The following MAD1L1 variants were observed in gnomAD, a reference collection of about 807,000 sequenced individuals.
MAD1L1 encodes mitotic arrest deficient 1 like 1.
A neutral mutation model predicts 96.9 loss-of-function variants in MAD1L1; 95 were observed. That is an observed-to-expected ratio of 0.98 (90% CI 0.83 to 1.16). The LOEUF is 1.16. Among genes scored for constraint, MAD1L1 ranks in the 50% most tolerant of loss-of-function variants. The pLI is 0.00. For missense variants in MAD1L1, 1,007 were observed against 954.4 expected, an observed-to-expected ratio of 1.06 and a Z score of -0.73; for synonymous variants, 473 against 396.6, an observed-to-expected ratio of 1.19 and a Z score of -2.29.
chr7:2,144,954 T>C (rs1789221073), intron 11 of MAD1L1, among the ~76,000 whole-genome samples: 1 of 152,064 alleles, frequency 6.6e-6, no homozygotes, highest in South Asian at 2.1e-4. Context: ...TGACGCCCCA[T>C]CTGTCCACGG....
chr7:1,962,205 A>G (rs544860232), intron 15 of MAD1L1, among the ~76,000 whole-genome samples: 120 of 152,368 alleles, frequency 7.9e-4, no homozygotes, highest in African/African-American at 2.8e-3. Flanking sequence ...GTGGTCGTGA[A>G]TAAGTCTCAC....
chr7:2,120,296 A>G (rs564034805), intron 11 of MAD1L1, among the ~76,000 whole-genome samples: 2 of 152,280 alleles, frequency 1.3e-5, no homozygotes, highest in South Asian at 4.1e-4. Context: ...GGCACCTCCT[A>G]AAGTCTGACC....
rs544111114 is a variant in MAD1L1, at chr7:1,865,750, C to T, written c.1998+32450G>A. On this transcript the variant is annotated intron_variant, in intron 18 of 18. Coordinates refer to ENST00000265854, the MANE Select transcript of MAD1L1 (RefSeq NM_001013836.2). ...TAATCAGGACTGGCTGCCTTGGAGA[C>T]GCAAAGGCACAGACCCAGAGAGCGG... Among the ~76,000 whole-genome samples the T allele has an allele frequency of 4.6e-5, 7 of 152,382 alleles. No homozygotes were observed. The South Asian group carries it at 1.2e-3, about 27-fold the overall frequency.
intron 18 of MAD1L1, among the ~76,000 whole-genome samples, chr7:1,856,022 G>T (rs528830207): frequency 1.3e-5 from 2 of 152,288 alleles, no homozygotes; most frequent in Admixed American, 1.3e-4. Flanking sequence ...CGCTCACGTG[G>T]GGTGCGGTGA....
intron 11 of MAD1L1, among the ~76,000 whole-genome samples, chr7:2,123,668 C>G (rs1788090167): frequency 6.6e-6 from 1 of 152,202 alleles, no homozygotes; most frequent in African/African-American, 2.4e-5. Flanking sequence ...CATGCGATAC[C>G]AGGAAGCGAG....
chr7:1,835,050 A>C (rs1782878079), intron 18 of MAD1L1, among the ~76,000 whole-genome samples: 1 of 152,180 alleles, frequency 6.6e-6, no homozygotes, highest in Non-Finnish European at 1.5e-5. Context: ...AAAGTACAAA[A>C]GGAAAACCAT....
rs78654399 is a variant in MAD1L1, at chr7:2,103,836, G to T, written c.1074-34498C>A. Among the ~76,000 whole-genome samples, 1 of 152,318 alleles carries T rather than the reference G, an allele frequency of 6.6e-6. No individual in the cohort carries two copies. Among genetic ancestry groups the T allele is most frequent in the South Asian group, 2.1e-4 (1 of 4,826 alleles). The stretch of plus-strand genomic sequence containing the variant: ...AGGGACAGTCTCACAGGTGGTGTCC[G>T]GACTCTGGAGATGGGGTGGGAAAAG... On this transcript the variant is annotated intron_variant, in intron 11 of 18. Transcript: ENST00000265854. The surrounding 1 kb of genome is among the most constrained non-coding windows in gnomAD (Gnocchi z 4.3).
At chr7:2,072,349 T>C (rs1157704371) in intron 11 of MAD1L1, among the ~76,000 whole-genome samples, 1 of 152,234 alleles carries the variant, frequency 6.6e-6, no homozygotes, top group African/African-American at 2.4e-5. Flanking sequence ...GAGTCTTTCC[T>C]ATCCCATCAG....
At chr7:1,886,965 G>C (rs373647853) in intron 18 of MAD1L1, among the ~76,000 whole-genome samples, 1 of 152,282 alleles carries the variant, frequency 6.6e-6, no homozygotes. Flanking sequence ...TTCCTGGTGA[G>C]AAGGCTTCAG....
intron 17 of MAD1L1, among the ~76,000 whole-genome samples, chr7:1,910,920 C>T (rs1787974406): frequency 6.6e-6 from 1 of 152,226 alleles, no homozygotes; most frequent in Admixed American, 6.5e-5. Flanking sequence ...CGATGTGGGG[C>T]CACAGTGTCT....
rs535753423 is a variant in MAD1L1, at chr7:1,980,642, C to T, written c.1417-101G>A. 3.7e-5 allele frequency: 34 copies of T among 912,398 alleles called. No homozygotes were observed. In the Admixed American group the frequency reaches 4.8e-4, roughly 13 times the overall value. The allele number at this position is 912,398 out of a possible 1,614,324, so 56.5% of individuals were successfully genotyped here. A position where few individuals can be genotyped will look rare whatever the true frequency, so the allele number is the denominator to read the frequency against. ...CTGAGACCACCCCTGGCAGCACCCC[C>T]GCCCTGGGCTGGGAGCTGCGGGAGA... is the stretch of plus-strand genomic sequence containing the variant. On this transcript the variant is annotated intron_variant, in intron 14 of 18. Transcript: ENST00000265854.
chr7:2,028,201 G>A (rs528312180), intron 12 of MAD1L1, among the ~76,000 whole-genome samples: 24 of 152,006 alleles, frequency 1.6e-4, no homozygotes, highest in South Asian at 6.2e-4. Context: ...CGAGGCAGGC[G>A]GATTACGAGG....
At position 2,149,068 on chromosome 7, in the gene MAD1L1, G is replaced by A. The variant is rs576718546; in HGVS notation, c.1073+84C>T. On this transcript the variant is annotated intron_variant, in intron 11 of 18. Coordinates refer to ENST00000265854, the MANE Select transcript of MAD1L1 (RefSeq NM_001013836.2). ...ATGATGAAGGACAGCCATCCCCCAAGAGCCAGGGGGCACACACTCTCACTC... is the reference window on the plus strand; with the variant it reads ...ATGATGAAGGACAGCCATCCCCCAAAAGCCAGGGGGCACACACTCTCACTC... The A allele has an allele frequency of 1.6e-5, 20 of 1,228,112 alleles. No homozygotes were observed. The African/African-American group carries it at 2.8e-4, about 17-fold the overall frequency. The allele number at this position is 1,228,112 out of a possible 1,614,324, so 76.1% of individuals were successfully genotyped here.
At chr7:1,826,374 G>C (rs113626538) in intron 18 of MAD1L1, among the ~76,000 whole-genome samples, 14 of 152,166 alleles carry the variant, frequency 9.2e-5, no homozygotes, top group Non-Finnish European at 2.1e-4. Context: ...CACAGGACTT[G>C]TTACAGCCTA....
chr7:1,895,287 G>A (rs903344187), intron 18 of MAD1L1, among the ~76,000 whole-genome samples: 4 of 152,182 alleles, frequency 2.6e-5, no homozygotes, highest in Admixed American at 2.0e-4. Context: ...CAGGAACATG[G>A]CCCCACTTAC....
chr7:1,815,864 T>G lies in MAD1L1; in HGVS notation c.*206A>C. On this transcript the variant is annotated 3_prime_UTR_variant, in exon 19 of 19. Transcript: ENST00000265854. Reference sequence around the variant, plus strand: ...GGTGGCCGACGCCCACACACCAGGCTCCGGGACGCATGGGGTCTGCACGTG... The same window carrying G: ...GGTGGCCGACGCCCACACACCAGGCGCCGGGACGCATGGGGTCTGCACGTG... The G allele has an allele frequency of 3.5e-6, 2 of 567,376 alleles. No homozygotes were observed. The highest frequency in any genetic ancestry group is 6.1e-6 in the Non-Finnish European group (2 of 325,712). 35.1% of individuals were successfully genotyped at this position (567,376 alleles called of 1,614,324 possible). A position where few individuals can be genotyped will look rare whatever the true frequency, so the allele number is the denominator to read the frequency against.
chr7:2,080,279 C>T lies in MAD1L1; in HGVS notation c.1074-10941G>A, dbSNP rs150120869. On this transcript the variant is annotated intron_variant, in intron 11 of 18. Transcript: ENST00000265854. ...TGGCTCAAAAAGCCAAAAGTATTTA[C>T]CATACGGCTCTTTACAGAGAAAGGT... Among the ~76,000 whole-genome samples, 383 of 152,360 alleles carry T rather than the reference C, an allele frequency of 2.5e-3. 3 individuals are homozygous for T. The highest frequency in any genetic ancestry group is 8.7e-3 in the African/African-American group (363 of 41,582).
intron 9 of MAD1L1, among the ~76,000 whole-genome samples, chr7:2,214,934 T>C (rs1293836320): frequency 6.6e-6 from 1 of 152,140 alleles, no homozygotes; most frequent in African/African-American, 2.4e-5. Flanking sequence ...CTAAGTGGCT[T>C]CAAACAACAC....
chr7:1,968,110 G>A lies in MAD1L1; in HGVS notation c.1506-10391C>T, dbSNP rs151121262. ...CTCATCCCTCCAGAGGGGGAGCGTC[G>A]CCTGTGCCCTGAGGGATTCGCTTCC... On this transcript the variant is annotated intron_variant, in intron 15 of 18. Coordinates refer to ENST00000265854, the MANE Select transcript of MAD1L1 (RefSeq NM_001013836.2). The surrounding 1 kb of genome is among the most constrained non-coding windows in gnomAD (Gnocchi z 5.6). 1.3e-5 allele frequency among the ~76,000 whole-genome samples: 2 copies of A among 152,360 alleles called. No homozygotes were observed. Among genetic ancestry groups the A allele is most frequent in the African/African-American group, 2.4e-5 (1 of 41,592 alleles).
Sources: gnomAD v4.1 joint callset for allele counts (sites outside exome capture counted in the v4.1 genomes callset) on GRCh38, gnomAD v4.1.1 for gene constraint, Gnocchi (gnomAD v3.1) non-coding constraint, MANE v1.5 for transcripts, NCBI Gene and HGNC (gene_info 2026-07-23, HGNC 2026-07-21) for gene names.